OPCML: variants seen among roughly 807,000 people sequenced by gnomAD.
OPCML encodes the protein opioid-binding protein/cell adhesion molecule.
Under a neutral mutation model 37.8 loss-of-function variants are expected in OPCML, and 13 were observed. That is an observed-to-expected ratio of 0.34 (90% CI 0.22 to 0.55). The LOEUF (loss-of-function observed/expected upper bound fraction) is 0.55. Among genes scored for constraint, OPCML ranks in the 20% least tolerant of loss-of-function variants. The pLI is 0.91. For synonymous variants in OPCML, 176 were observed against 168.8 expected, an observed-to-expected ratio of 1.04 and a Z score of -0.33; for missense variants, 341 against 435.6, an observed-to-expected ratio of 0.78 and a Z score of 1.93.
chr11:132,657,236 A>AT lies in OPCML; in HGVS notation c.229dup (p.Ile77AsnfsTer26), dbSNP rs1565752231. ...GACCAGGATGATCACACGAGGGTCT[A>AT]TGGACCACTTGTCATTCCCAGCGTA... On this transcript the variant is annotated frameshift_variant, in exon 3 of 8. Transcript: ENST00000524381. LOFTEE classifies it high-confidence loss of function. The AT allele has an allele frequency of 6.2e-7, 1 of 1,614,258 alleles. No individual in the cohort carries two copies.
chr11:132,740,493 A>G (rs1041849385), intron 2 of OPCML, among the ~76,000 whole-genome samples: 4 of 152,174 alleles, frequency 2.6e-5, no homozygotes, highest in Admixed American at 6.5e-5. Context: ...ACATTCTTCA[A>G]TGTTTCTTCA....
intron 2 of OPCML, among the ~76,000 whole-genome samples, chr11:132,794,953 G>A (rs1015741364): frequency 6.7e-6 from 1 of 150,016 alleles, no homozygotes; most frequent in Non-Finnish European, 1.5e-5. Flanking sequence ...CCAGCTGAAT[G>A]TGATATATTA....
intron 2 of OPCML, among the ~76,000 whole-genome samples, chr11:132,902,582 C>T (rs1263087668): frequency 1.3e-5 from 2 of 152,096 alleles, no homozygotes; most frequent in Non-Finnish European, 2.9e-5. Context: ...TTTTACTGGG[C>T]TTGTTGGGGC....
At chr11:132,882,914 G>C (rs568106868) in intron 2 of OPCML, among the ~76,000 whole-genome samples, 2 of 152,118 alleles carry the variant, frequency 1.3e-5, no homozygotes, top group Non-Finnish European at 2.9e-5. Context: ...CTAGGAAGTG[G>C]GAATTATGTG....
At chr11:133,456,592 G>A (rs2136969091) in intron 1 of OPCML, among the ~76,000 whole-genome samples, 1 of 152,166 alleles carries the variant, frequency 6.6e-6, no homozygotes, top group South Asian at 2.1e-4. Flanking sequence ...GTATCAGACT[G>A]TCCAGGAAAA....
intron 1 of OPCML, among the ~76,000 whole-genome samples, chr11:133,307,325 AG>A (rs1382672387): frequency 1.3e-5 from 2 of 152,122 alleles, no homozygotes; most frequent in Non-Finnish European, 2.9e-5. Context: ...ATGGCATGAT[AG>A]GGGTTATGTA....
intron 1 of OPCML, among the ~76,000 whole-genome samples, chr11:133,359,019 G>C (rs1046545224): frequency 1.3e-5 from 2 of 152,046 alleles, no homozygotes; most frequent in Admixed American, 1.3e-4. Flanking sequence ...ACTGATTGTG[G>C]CAAAAACTTT....
chr11:133,485,222 T>C (rs1281045347), intron 1 of OPCML, among the ~76,000 whole-genome samples: 3 of 152,160 alleles, frequency 2.0e-5, no homozygotes, highest in Non-Finnish European at 4.4e-5. Context: ...CAAAAAGCAA[T>C]AGCTTTGTTT....
chr11:133,439,769 A>C (rs1307384750), intron 1 of OPCML, among the ~76,000 whole-genome samples: 1 of 152,036 alleles, frequency 6.6e-6, no homozygotes, highest in African/African-American at 2.4e-5. Context: ...GCCCGGCCCA[A>C]CCTAAGTCTT....
At chr11:133,046,309 A>G (rs1398678539) in intron 1 of OPCML, among the ~76,000 whole-genome samples, 2 of 152,222 alleles carry the variant, frequency 1.3e-5, no homozygotes, top group Non-Finnish European at 2.9e-5. Context: ...AGAGACAAGC[A>G]AGAAGCAGTA....
At chr11:132,957,791 C>T (rs1017608443) in intron 1 of OPCML, among the ~76,000 whole-genome samples, 7 of 152,148 alleles carry the variant, frequency 4.6e-5, no homozygotes, top group Non-Finnish European at 8.8e-5. Context: ...TGGGGCAGCA[C>T]GAGCTATGCT....
At chr11:132,878,640 T>C (rs565379283) in intron 2 of OPCML, among the ~76,000 whole-genome samples, 203 of 152,320 alleles carry the variant, frequency 1.3e-3, no homozygotes, top group Middle Eastern at 0.01. Context: ...TCAACATATG[T>C]ACATATAGAT....
At chr11:133,498,074 G>A (rs931757400) in intron 1 of OPCML, among the ~76,000 whole-genome samples, 1 of 152,200 alleles carries the variant, frequency 6.6e-6, no homozygotes, top group African/African-American at 2.4e-5. Context: ...CGGGGGCCAA[G>A]GCAGCATCTC....
intron 1 of OPCML, among the ~76,000 whole-genome samples, chr11:133,140,193 A>AATAATAAT (rs1949748145): frequency 1.5e-5 from 2 of 136,378 alleles, no homozygotes; most frequent in Non-Finnish European, 3.1e-5. Context: ...TCTCAATAAT[A>AATAATAAT]ATAATAATAA....
chr11:132,722,935 A>C (rs560673366), intron 2 of OPCML, among the ~76,000 whole-genome samples: 1 of 152,292 alleles, frequency 6.6e-6, no homozygotes, highest in South Asian at 2.1e-4. Context: ...TTCAATGAAA[A>C]AGTATCAAGG....
rs565991050 is a variant in OPCML at position 133,284,854 on chromosome 11, T to C, written c.61+247410A>G. Among the ~76,000 whole-genome samples, 6 of 152,184 alleles carry C rather than the reference T, an allele frequency of 3.9e-5. No individual in the cohort carries two copies. In the South Asian group the frequency reaches 1.0e-3, roughly 26 times the overall value. ...TTATGAAATAATTTAAAAATTTAAATGAGCTGTTATAAGTAAAATGCCAGC... is the reference window on the plus strand; with the variant it reads ...TTATGAAATAATTTAAAAATTTAAACGAGCTGTTATAAGTAAAATGCCAGC... On this transcript the variant is annotated intron_variant, in intron 1 of 7. Transcript: ENST00000524381.
At chr11:132,687,744 CA>C (rs1943228971) in intron 2 of OPCML, among the ~76,000 whole-genome samples, 1 of 151,960 alleles carries the variant, frequency 6.6e-6, no homozygotes. Flanking sequence ...TACTAAGTAA[CA>C]AGTATTTAGA....
chr11:132,922,914 GTTTT>G (rs2136593038), intron 2 of OPCML, among the ~76,000 whole-genome samples: 2 of 151,626 alleles, frequency 1.3e-5, no homozygotes, highest in South Asian at 4.2e-4. Context: ...ACACGTTTTT[GTTTT>G]TTGTTTTTTT....
At chr11:133,199,667 A>G in intron 1 of OPCML, among the ~76,000 whole-genome samples, 1 of 152,180 alleles carries the variant, frequency 6.6e-6, no homozygotes, top group Non-Finnish European at 1.5e-5. Context: ...TGCTGCTCTG[A>G]ATTATAGATG....
Sources: allele counts gnomAD v4.1 joint callset (sites outside exome capture counted in the v4.1 genomes callset), GRCh38; gene constraint gnomAD v4.1.1; transcripts MANE v1.5; gene names NCBI Gene and HGNC (gene_info 2026-07-23, HGNC 2026-07-21).